F8A1: variants seen among roughly 807,000 people sequenced by gnomAD.
F8A1 encodes coagulation factor VIII associated 1, also known as 40-kDa huntingtin-associated protein.
In F8A1 at chrX:154,887,678, T is replaced by TA; in HGVS notation, c.*188_*189insA. 1 of 575,708 alleles carries TA rather than the reference T, an allele frequency of 1.7e-6. No homozygotes were observed. Among genetic ancestry groups the TA allele is most frequent in the Non-Finnish European group, 2.5e-6 (1 of 398,884 alleles). The allele number at this position is 575,708 out of a possible 1,213,427, so 47.4% of individuals were successfully genotyped here. A position where few individuals can be genotyped will look rare whatever the true frequency, so the allele number is the denominator to read the frequency against. On this transcript the variant is annotated 3_prime_UTR_variant, in exon 1 of 1. Transcript: ENST00000610495. ...TACTGCCGCCATAGGAATTATTTCG[T>TA]TGGCTGAACGTTACCAGCACCCCGA...
At position 154,887,291 on chromosome X, in the gene F8A1, A is replaced by ACGGGCAGGAGAGCAG. The variant is rs1557274744; in HGVS notation, c.921_935dup (p.Glu309_Gln313dup). 1 of 869,174 alleles carries ACGGGCAGGAGAGCAG rather than the reference A, an allele frequency of 1.2e-6. No homozygotes were observed. Among genetic ancestry groups the ACGGGCAGGAGAGCAG allele is most frequent in the Non-Finnish European group, 1.5e-6 (1 of 655,520 alleles). 71.6% of individuals were successfully genotyped at this position (869,174 alleles called of 1,213,427 possible). A position where few individuals can be genotyped will look rare whatever the true frequency, so the allele number is the denominator to read the frequency against. ...TACTCCTGGGAGGCTTTTGACAGCC[A>ACGGGCAGGAGAGCAG]CGGGCAGGAGAGCAGCGGCCAGCTT... On this transcript the variant is annotated inframe_insertion, in exon 1 of 1. Transcript: ENST00000610495.
In F8A1 at chrX:154,887,654, AC is replaced by A; in HGVS notation, c.*165del. 2 of 676,383 alleles carry A rather than the reference AC, an allele frequency of 3.0e-6. No individual in the cohort carries two copies. Among genetic ancestry groups the A allele is most frequent in the Non-Finnish European group, 4.0e-6 (2 of 494,830 alleles). 55.7% of individuals were successfully genotyped at this position (676,383 alleles called of 1,213,427 possible). ...CCCGCTTCTGCGTTTTGTTATTCCT[AC>A]TGCCGCCATAGGAATTATTTCGTTG... On this transcript the variant is annotated 3_prime_UTR_variant, in exon 1 of 1. Coordinates refer to ENST00000610495, the MANE Select transcript of F8A1 (RefSeq NM_012151.4).
At position 154,887,702 on chromosome X, in the gene F8A1, G is replaced by A. The variant is rs1156739455; in HGVS notation, c.*212G>A. 1 of 503,829 alleles carries A rather than the reference G, an allele frequency of 2.0e-6. No individual in the cohort carries two copies. The highest frequency in any genetic ancestry group is 3.1e-5 in the African/African-American group (1 of 32,605). The allele number at this position is 503,829 out of a possible 1,213,427, so 41.5% of individuals were successfully genotyped here. On this transcript the variant is annotated 3_prime_UTR_variant, in exon 1 of 1. Transcript: ENST00000610495. ...GTTGGCTGAACGTTACCAGCACCCC[G>A]AGAACACATTTTGATAGAATCAGAG...
Sources: gnomAD v4.1 joint callset for allele counts on GRCh38, gnomAD v4.1.1 for gene constraint, MANE v1.5 for transcripts, NCBI Gene and HGNC (gene_info 2026-07-23, HGNC 2026-07-21) for gene names.